The following KANSL1 variants were observed in gnomAD, a reference collection of about 807,000 sequenced individuals.
KANSL1 encodes the protein KAT8 regulatory NSL complex subunit 1.
KANSL1 carries 22 observed loss-of-function variants against 103.6 expected under a neutral mutation model. The ratio of observed to expected loss-of-function variants is 0.21; its 90% CI spans 0.15 to 0.30. The LOEUF (loss-of-function observed/expected upper bound fraction) is 0.30, where lower values mean the gene tolerates loss of function less well. Ranked by LOEUF, KANSL1 falls within the 10% of genes least tolerant of loss-of-function variation. The pLI is 1.00. For missense variants in KANSL1, 1,337 were observed against 1,399.8 expected (o/e 0.96, Z 0.72); for synonymous variants, 600 against 527.6 (o/e 1.14, Z -1.88).
intron 1 of KANSL1, among the ~76,000 whole-genome samples, chr17:46,189,813 ACGAGAAT>A (rs1326187445): frequency 6.6e-6 from 1 of 151,788 alleles, no homozygotes; most frequent in Non-Finnish European, 1.5e-5. Context: ...CGGCTGAGGC[ACGAGAAT>A]CGCTTGAACC....
chr17:46,167,434 C>T (rs1032944751), intron 2 of KANSL1, among the ~76,000 whole-genome samples: 2 of 152,228 alleles, frequency 1.3e-5, no homozygotes, highest in Non-Finnish European at 2.9e-5. Context: ...CATGCAGCTT[C>T]CTTCTTAATC....
chr17:46,141,635 C>CA (rs1260738908), intron 2 of KANSL1, among the ~76,000 whole-genome samples: 1 of 152,028 alleles, frequency 6.6e-6, no homozygotes, highest in African/African-American at 2.4e-5. Flanking sequence ...ACAAAATGCC[C>CA]AAGAATACAG....
At chr17:46,072,182 G>A (rs2078604412) in intron 4 of KANSL1, among the ~76,000 whole-genome samples, 1 of 151,970 alleles carries the variant, frequency 6.6e-6, no homozygotes, top group South Asian at 2.1e-4. Flanking sequence ...GTTTTTTCTA[G>A]GGTCTAAGAA....
intron 7 of KANSL1, chr17:46,044,094 G>C (rs2077419713): frequency 6.6e-6 from 1 of 151,470 alleles, no homozygotes; most frequent in African/African-American, 2.4e-5. Context: ...ATCTAAAATA[G>C]ACTGGATACG....
At chr17:46,197,472 G>T (rs2732662), upstream of KANSL1, among the ~76,000 whole-genome samples, 1 of 152,070 alleles carries the variant, frequency 6.6e-6, no homozygotes, top group Admixed American at 6.5e-5. Flanking sequence ...GTGAAACCCC[G>T]CCTCTACTAA....
Position 46,039,783 on chromosome 17 carries a change from T to C in KANSL1, c.2122A>G (p.Arg708Gly). ...KPPKKLSLKH[R>G]APMPGSLPDS... is the part of the protein sequence containing the mutation. The stretch of plus-strand genomic sequence containing the variant: ...GGCAGACTGCCCGGCATGGGTGCTC[T>C]GTGCTTAAGCGATAACTTTTTGGGA... Residue 708 changes from arginine (R) to glycine (G), a missense_variant, in exon 8 of 15, where the codon AGA becomes GGA. By Grantham distance (125) the Arg-to-Gly change is moderately radical. Transcript: ENST00000432791. 1 of 1,614,236 alleles carries C rather than the reference T, an allele frequency of 6.2e-7. No individual in the cohort carries two copies.
chr17:46,194,111 G>A (rs907443709), upstream of KANSL1, among the ~76,000 whole-genome samples: 2 of 152,212 alleles, frequency 1.3e-5, no homozygotes, highest in Non-Finnish European at 2.9e-5. Context: ...CCCGCGCCGG[G>A]CCAGCCCGGG....
chr17:46,168,466 G>C (rs148833244), intron 2 of KANSL1, among the ~76,000 whole-genome samples: 90 of 152,234 alleles, frequency 5.9e-4, no homozygotes, highest in Admixed American at 5.4e-3. Context: ...TCCTGCCTCA[G>C]CCTCCAGAGC....
At position 46,159,023 on chromosome 17, in the gene KANSL1, C is replaced by A. The variant is rs527893719; in HGVS notation, c.1289+11832G>T. ...AATAAGTGAACACAACAAAAAATTA[C>A]AGTTACTACAGGGACACACTGGTCC... On this transcript the variant is annotated intron_variant, in intron 2 of 14. Coordinates refer to ENST00000432791, the MANE Select transcript of KANSL1 (RefSeq NM_015443.4). Among the ~76,000 whole-genome samples the A allele has an allele frequency of 4.4e-4, 67 of 152,024 alleles. 1 individual carries two copies. The highest frequency in any genetic ancestry group is 1.5e-3 in the African/African-American group (64 of 41,350).
intron 6 of KANSL1, among the ~76,000 whole-genome samples, chr17:46,054,057 G>A (rs1346177287): frequency 6.6e-6 from 1 of 152,140 alleles, no homozygotes; most frequent in Non-Finnish European, 1.5e-5. Context: ...CCAGGAGTGA[G>A]GAGCTATAGT....
chr17:46,121,359 G>A (rs973731898), intron 2 of KANSL1: 3 of 152,324 alleles, frequency 2.0e-5, no homozygotes, highest in Non-Finnish European at 4.4e-5. Context: ...TTCACCTCCT[G>A]TGTCCTCTTC....
Position 46,041,130 on chromosome 17 carries a change from T to A in KANSL1, c.2021-1246A>T, listed in dbSNP as rs539658941. 2.0e-5 allele frequency: 3 copies of A among 152,242 alleles called. No homozygotes were observed. The South Asian group carries it at 6.2e-4, about 32-fold the overall frequency. 9.4% of individuals were successfully genotyped at this position (152,242 alleles called of 1,614,324 possible). A position where few individuals can be genotyped will look rare whatever the true frequency, so the allele number is the denominator to read the frequency against. ...GTTCTTCATTACTAGTATATAGAAG[T>A]ACAATAAACTGCTATATAATGACCT... On this transcript the variant is annotated intron_variant, in intron 7 of 14. Transcript: ENST00000432791.
upstream of KANSL1, among the ~76,000 whole-genome samples, chr17:46,197,568 G>A (rs533001695): frequency 2.6e-5 from 4 of 152,298 alleles, no homozygotes; most frequent in East Asian, 1.9e-4. Context: ...ACTTGAGCCC[G>A]GAAGGCAGAG....
intron 2 of KANSL1, among the ~76,000 whole-genome samples, chr17:46,164,669 C>A (rs2045907926): frequency 6.6e-6 from 1 of 152,268 alleles, no homozygotes; most frequent in African/African-American, 2.4e-5. Context: ...TTTGTTTCAA[C>A]TTATACCAGT....
chr17:46,038,573 C>T lies in KANSL1; in HGVS notation c.2506G>A (p.Ala836Thr), dbSNP rs935626079. 6.8e-6 allele frequency: 11 copies of T among 1,613,980 alleles called. No individual in the cohort carries two copies. Among genetic ancestry groups the T allele is most frequent in the East Asian group, 2.2e-5 (1 of 44,876 alleles). Reference sequence around the variant, plus strand: ...GCTGTAACCTGTGAGCTAGAGCTGGCGGGTGCAGGGGAATCTGAGGAGGTG... The same window carrying T: ...GCTGTAACCTGTGAGCTAGAGCTGGTGGGTGCAGGGGAATCTGAGGAGGTG... ...LSTSSDSPAPASSSSQVTAST... is the reference protein window; with the variant it reads ...LSTSSDSPAPTSSSSQVTAST... The change falls in exon 10 of 15, where the codon GCC becomes ACC. Residue 836 changes from alanine (A) to threonine (T), a missense_variant. This residue lies in a region of KANSL1 where 780 missense variants were observed against 923.4 expected (regional missense o/e 0.84). Transcript: ENST00000432791.
chr17:46,156,527 A>C (rs908440536), intron 2 of KANSL1, among the ~76,000 whole-genome samples: 3 of 152,186 alleles, frequency 2.0e-5, no homozygotes, highest in Non-Finnish European at 2.9e-5. Flanking sequence ...CCTCCTCCTA[A>C]GATTTCAGCA....
At chr17:46,102,502 A>C (rs1006623150) in intron 2 of KANSL1, among the ~76,000 whole-genome samples, 1 of 152,176 alleles carries the variant, frequency 6.6e-6, no homozygotes, top group Non-Finnish European at 1.5e-5. Context: ...CGTCTGCCTC[A>C]GCCTCCCAAA....
chr17:46,120,046 A>G (rs1453003300), intron 2 of KANSL1: 1 of 147,936 alleles, frequency 6.8e-6, no homozygotes, highest in Non-Finnish European at 1.5e-5. Context: ...GCAGAGCTTT[A>G]TTTCTGAAGA....
At chr17:46,114,304 A>G (rs941532770) in intron 2 of KANSL1, among the ~76,000 whole-genome samples, 3 of 152,228 alleles carry the variant, frequency 2.0e-5, no homozygotes, top group Non-Finnish European at 4.4e-5. Flanking sequence ...GGTTGCAGTG[A>G]GCCAAGATCG....
Sources: gnomAD v4.1 joint callset for allele counts (sites outside exome capture counted in the v4.1 genomes callset) on GRCh38, gnomAD v4.1.1 for gene constraint, gnomAD v4.1.1 regional missense constraint, MANE v1.5 for transcripts, NCBI Gene and HGNC (gene_info 2026-07-23, HGNC 2026-07-21) for gene names.